The following SDK1 variants were observed in gnomAD, a reference collection of about 807,000 sequenced individuals.
SDK1 encodes protein sidekick-1.
In SDK1, 157 loss-of-function variants were observed where a neutral mutation model predicts 245.5. That is an observed-to-expected ratio of 0.64 (90% CI 0.56 to 0.73). SDK1 has a LOEUF of 0.73. Among genes scored for constraint, SDK1 ranks in the 30% least tolerant of loss-of-function variants. SDK1 has a pLI of 0.00. For missense variants in SDK1, 3,583 were observed against 3,002.3 expected, an observed-to-expected ratio of 1.19 and a Z score of -4.52; for synonymous variants, 1,647 against 1,278.5, an observed-to-expected ratio of 1.29 and a Z score of -6.15.
chr7:3,385,759 T>A (rs1781594897), intron 1 of SDK1, among the ~76,000 whole-genome samples: 1 of 152,224 alleles, frequency 6.6e-6, no homozygotes, highest in African/African-American at 2.4e-5. Context: ...TGAGGTGAGA[T>A]GGAGATCATA....
chr7:3,589,010 G>A (rs1039036839), intron 1 of SDK1, among the ~76,000 whole-genome samples: 1 of 152,174 alleles, frequency 6.6e-6, no homozygotes, highest in African/African-American at 2.4e-5. Flanking sequence ...TGTGGGGACA[G>A]GAGATAATTT....
intron 1 of SDK1, among the ~76,000 whole-genome samples, chr7:3,557,119 A>C (rs1779613588): frequency 6.6e-6 from 1 of 152,120 alleles, no homozygotes; most frequent in Middle Eastern, 3.2e-3. Flanking sequence ...AAAGTCGACA[A>C]AACTGAAAAT....
intron 5 of SDK1, among the ~76,000 whole-genome samples, chr7:3,843,717 C>T (rs981944903): frequency 2.6e-5 from 4 of 152,178 alleles, no homozygotes; most frequent in South Asian, 2.1e-4. Context: ...ACTCGCCTGA[C>T]GATGAAGCCA....
chr7:3,301,485 G>T lies in SDK1; in HGVS notation c.-102G>T, dbSNP rs945603397. ...GCGGCCGCTCACCTCGGGCCGGGGG[G>T]CGCCGCGCCTCCCGCGGAGTGGCCG... On this transcript the variant is annotated 5_prime_UTR_variant, in exon 1 of 45. Transcript: ENST00000404826. The T allele has an allele frequency of 1.8e-5, 5 of 282,188 alleles. No homozygotes were observed. The highest frequency in any genetic ancestry group is 1.2e-4 in the African/African-American group (5 of 42,794). The allele number at this position is 282,188 out of a possible 1,614,324, so 17.5% of individuals were successfully genotyped here.
intron 19 of SDK1, among the ~76,000 whole-genome samples, chr7:4,059,254 A>G (rs796548623): frequency 3.7e-4 from 56 of 152,360 alleles, no homozygotes; most frequent in African/African-American, 1.3e-3. Context: ...AAGAGATGGA[A>G]AAAGAGATTT....
At chr7:3,433,613 A>T (rs1367432717) in intron 1 of SDK1, among the ~76,000 whole-genome samples, 3 of 152,214 alleles carry the variant, frequency 2.0e-5, no homozygotes, top group African/African-American at 7.2e-5. Context: ...TACATTAAAG[A>T]CTGGCTGGCC....
intron 5 of SDK1, among the ~76,000 whole-genome samples, chr7:3,918,020 G>T (rs1289123420): frequency 6.6e-6 from 1 of 152,194 alleles, no homozygotes; most frequent in Non-Finnish European, 1.5e-5. Context: ...AGGGCCTTAT[G>T]TGTAATTCAC....
At chr7:3,379,252 G>T (rs920316905) in intron 1 of SDK1, among the ~76,000 whole-genome samples, 3 of 152,172 alleles carry the variant, frequency 2.0e-5, no homozygotes, top group African/African-American at 7.2e-5. Flanking sequence ...TGGAGCTTAT[G>T]TATGGTCTTG....
intron 1 of SDK1, among the ~76,000 whole-genome samples, chr7:3,490,185 G>C (rs1781826569): frequency 6.6e-6 from 1 of 152,128 alleles, no homozygotes; most frequent in African/African-American, 2.4e-5. Flanking sequence ...TGTTGTAACT[G>C]CTAGGTTCTT....
chr7:3,712,968 C>G (rs1211579947), intron 4 of SDK1, among the ~76,000 whole-genome samples: 2 of 152,222 alleles, frequency 1.3e-5, no homozygotes, highest in African/African-American at 4.8e-5. Context: ...ACCCATATGC[C>G]TGACACCCAG....
At chr7:4,010,391 G>T (rs1015013716) in intron 14 of SDK1, among the ~76,000 whole-genome samples, 2 of 152,172 alleles carry the variant, frequency 1.3e-5, no homozygotes, top group Admixed American at 6.5e-5. Context: ...GGAAAGCTGG[G>T]TGGGAAGATA....
intron 5 of SDK1, among the ~76,000 whole-genome samples, chr7:3,948,922 C>T (rs896285803): frequency 1.3e-5 from 2 of 152,232 alleles, no homozygotes; most frequent in Non-Finnish European, 2.9e-5. Flanking sequence ...CCTCCCTTCA[C>T]TTCACATAAC....
At chr7:4,259,753 G>A (rs979290911) in intron 44 of SDK1, among the ~76,000 whole-genome samples, 9 of 152,288 alleles carry the variant, frequency 5.9e-5, no homozygotes, top group African/African-American at 1.4e-4. Flanking sequence ...GTTTCAGAGC[G>A]TTGTGGGTTT....
intron 20 of SDK1, among the ~76,000 whole-genome samples, chr7:4,069,002 G>A (rs564125590): frequency 6.6e-6 from 1 of 152,148 alleles, no homozygotes; most frequent in African/African-American, 2.4e-5. Context: ...GATTACAGGC[G>A]TGAGCCACTG....
chr7:3,797,850 T>G (rs1348543566), intron 4 of SDK1, among the ~76,000 whole-genome samples: 51 of 152,314 alleles, frequency 3.3e-4, no homozygotes, highest in Non-Finnish European at 1.2e-4. Flanking sequence ...TCCACTATGG[T>G]CTGTCTTTCA....
At chr7:4,134,803 G>A (rs899994814) in intron 28 of SDK1, 1 of 152,436 alleles carries the variant, frequency 6.6e-6, no homozygotes, top group Non-Finnish European at 1.5e-5. Flanking sequence ...CGGTGCAGGA[G>A]CAAAGCATGT....
intron 1 of SDK1, among the ~76,000 whole-genome samples, chr7:3,519,556 A>C (rs1782865828): frequency 6.8e-6 from 1 of 146,678 alleles, no homozygotes; most frequent in Non-Finnish European, 1.5e-5. Flanking sequence ...TTTGACATAC[A>C]TGTACTTACC....
chr7:3,793,595 C>G (rs1441827946), intron 4 of SDK1, among the ~76,000 whole-genome samples: 1 of 152,194 alleles, frequency 6.6e-6, no homozygotes, highest in African/African-American at 2.4e-5. Flanking sequence ...GATTCTATAG[C>G]TGTTGTCAGC....
intron 5 of SDK1, among the ~76,000 whole-genome samples, chr7:3,938,877 TGAA>T (rs1349575246): frequency 6.6e-6 from 1 of 152,226 alleles, no homozygotes; most frequent in African/African-American, 2.4e-5. Context: ...AGTAAAAAGC[TGAA>T]GAAGATACAT....
Sources: allele counts gnomAD v4.1 joint callset (sites outside exome capture counted in the v4.1 genomes callset), GRCh38; gene constraint gnomAD v4.1.1; transcripts MANE v1.5; gene names NCBI Gene and HGNC (gene_info 2026-07-23, HGNC 2026-07-21).